The following FHL2 variants were observed in gnomAD, a reference collection of about 807,000 sequenced individuals.
The protein encoded by FHL2 is four and a half LIM domains 2.
In FHL2, 20 loss-of-function variants were observed where a neutral mutation model predicts 32.7. The observed-to-expected ratio is 0.61, with a 90% CI of 0.43 to 0.89. The LOEUF is 0.89. FHL2 is among the 40% of genes least tolerant of loss of function. The pLI, the probability that FHL2 is intolerant of heterozygous loss-of-function variation, is 0.00. For synonymous variants in FHL2, 123 were observed against 128.1 expected (o/e 0.96, Z 0.27); for missense variants, 311 against 358.6 (o/e 0.87, Z 1.07).
At chr2:105,363,996 C>T (rs1369559088) in intron 5 of FHL2, among the ~76,000 whole-genome samples, 2 of 152,190 alleles carry the variant, frequency 1.3e-5, no homozygotes, top group African/African-American at 4.8e-5. Flanking sequence ...GTGGCTCACA[C>T]CTGTAATCTC....
At chr2:105,427,910 A>G (rs1291598830) in intron 1 of FHL2, among the ~76,000 whole-genome samples, 1 of 152,184 alleles carries the variant, frequency 6.6e-6, no homozygotes, top group Non-Finnish European at 1.5e-5. Context: ...CATAAATTCA[A>G]TAGTCACTCT....
chr2:105,436,407 C>A (rs1684613452), intron 1 of FHL2, among the ~76,000 whole-genome samples: 4 of 152,000 alleles, frequency 2.6e-5, no homozygotes, highest in African/African-American at 9.7e-5. Context: ...ATCTATCCAA[C>A]TATTATGAAT....
chr2:105,410,075 A>G lies in FHL2; in HGVS notation c.-24-23535T>C, dbSNP rs144069802. ...CTGAGTCTGCCATCCAGAAGGCTGGACCCAGACAGAGTTCAGGGATCACAC... is the reference window on the plus strand; with the variant it reads ...CTGAGTCTGCCATCCAGAAGGCTGGGCCCAGACAGAGTTCAGGGATCACAC... On this transcript the variant is annotated intron_variant, in intron 1 of 5. Coordinates refer to the FHL2 transcript ENST00000393352. Among the ~76,000 whole-genome samples, 28 of 152,346 alleles carry G rather than the reference A, an allele frequency of 1.8e-4. No individual in the cohort carries two copies. The East Asian group carries it at 4.8e-3, about 26-fold the overall frequency.
chr2:105,370,812 G>A (rs981607419), intron 4 of FHL2, among the ~76,000 whole-genome samples: 37 of 152,120 alleles, frequency 2.4e-4, no homozygotes, highest in African/African-American at 8.9e-4. Context: ...CGTTTCTTCT[G>A]GCAGAGGCAC....
intron 2 of FHL2, among the ~76,000 whole-genome samples, chr2:105,393,403 G>A (rs558227136): frequency 1.3e-5 from 2 of 152,290 alleles, no homozygotes; most frequent in East Asian, 1.9e-4. Flanking sequence ...CCGGGGATCC[G>A]CAAGGGATAT....
intron 3 of FHL2, chr2:105,375,212 C>T (rs1449940306): frequency 2.0e-5 from 3 of 152,124 alleles, no homozygotes; most frequent in African/African-American, 7.2e-5. Context: ...GAACCTGGAA[C>T]CAAACTAGTT....
At chr2:105,432,699 G>C (rs559724484) in intron 1 of FHL2, among the ~76,000 whole-genome samples, 225 of 143,736 alleles carry the variant, frequency 1.6e-3, no homozygotes, top group Non-Finnish European at 2.6e-3. Context: ...TGTGTACACA[G>C]AGACATGTGT....
intron 4 of FHL2, 53 bp downstream of exon 4, chr2:105,373,506 C>T (rs1174379979): frequency 1.2e-6 from 2 of 1,603,640 alleles, no homozygotes; most frequent in Admixed American, 1.7e-5. Context: ...GAGGAACGTG[C>T]ACAAGGCTTG....
At chr2:105,395,352 G>A (rs933555531) in intron 2 of FHL2, among the ~76,000 whole-genome samples, 12 of 152,142 alleles carry the variant, frequency 7.9e-5, no homozygotes, top group Admixed American at 3.3e-4. Flanking sequence ...AGTGAGTTAC[G>A]AACACTTCTA....
chr2:105,395,621 C>T (rs1027971414), intron 2 of FHL2, among the ~76,000 whole-genome samples: 1 of 152,214 alleles, frequency 6.6e-6, no homozygotes, highest in Non-Finnish European at 1.5e-5. Flanking sequence ...GTTCCTTCTG[C>T]TTCCTTCATT....
intron 2 of FHL2, among the ~76,000 whole-genome samples, chr2:105,392,797 C>G (rs1249082419): frequency 6.7e-6 from 1 of 148,650 alleles, no homozygotes; most frequent in Non-Finnish European, 1.5e-5. Flanking sequence ...GGCAAGGACC[C>G]TGCATGCCAG....
At chr2:105,408,156 G>T (rs1200223117) in intron 1 of FHL2, among the ~76,000 whole-genome samples, 2 of 152,192 alleles carry the variant, frequency 1.3e-5, no homozygotes, top group Non-Finnish European at 2.9e-5. Context: ...CCTCACAGTT[G>T]CAGTGTGCTT....
intron 1 of FHL2, among the ~76,000 whole-genome samples, chr2:105,428,628 G>A (rs11694681): frequency 0.15 from 23,530 of 152,196 alleles, 1,962 homozygotes; most frequent in Admixed American, 0.23. Context: ...GCTTCGTGTG[G>A]GTCAGCTTGT....
At position 105,396,682 on chromosome 2, in the gene FHL2, A is replaced by G. The variant is rs760741003; in HGVS notation, c.-60T>C. On this transcript the variant is annotated 5_prime_UTR_variant, in exon 2 of 7. Coordinates refer to ENST00000530340, the MANE Select transcript of FHL2 (RefSeq NM_001318895.3). ...AAATGCCAGCCTAGTCTCCAGGAAG[A>G]CACAGTTCTCAGCCACTAGAGAAAG... 5.0e-6 allele frequency: 8 copies of G among 1,612,756 alleles called. No individual in the cohort carries two copies. Among genetic ancestry groups the G allele is most frequent in the African/African-American group, 1.3e-5 (1 of 74,948 alleles).
Position 105,398,832 on chromosome 2 carries a change from C to T in FHL2, c.-76+10G>A. 2.1e-6 allele frequency: 3 copies of T among 1,430,490 alleles called. No homozygotes were observed. Among genetic ancestry groups the T allele is most frequent in the Middle Eastern group, 1.9e-4 (1 of 5,348 alleles). The allele number at this position is 1,430,490 out of a possible 1,614,324, so 88.6% of individuals were successfully genotyped here. A position where few individuals can be genotyped will look rare whatever the true frequency, so the allele number is the denominator to read the frequency against. The stretch of plus-strand genomic sequence containing the variant: ...GTCTTCCCGGACCCACAGCTCTGCT[C>T]TCCTCTCACCAGTCTCCCCAACTCC... On this transcript the variant is annotated intron_variant, in intron 1 of 6. Coordinates refer to ENST00000530340, the MANE Select transcript of FHL2 (RefSeq NM_001318895.3).
Position 105,399,043 on chromosome 2 carries a change from C to A in FHL2, c.-277G>T, listed in dbSNP as rs1198099772. On this transcript the variant is annotated 5_prime_UTR_variant, in exon 1 of 7. Coordinates refer to ENST00000530340, the MANE Select transcript of FHL2 (RefSeq NM_001318895.3). ...CGGCTGGTGGCTGCGGCTCCGCTGC[C>A]GGCCGAGTGGAGCGCTGCGCAGCTC... The A allele has an allele frequency of 6.7e-7, 1 of 1,495,984 alleles. No individual in the cohort carries two copies. The highest frequency in any genetic ancestry group is 1.3e-5 in the South Asian group (1 of 78,062). 92.7% of individuals were successfully genotyped at this position (1,495,984 alleles called of 1,614,324 possible).
At chr2:105,406,113 T>C (rs1683624046) in intron 1 of FHL2, among the ~76,000 whole-genome samples, 2 of 152,366 alleles carry the variant, frequency 1.3e-5, no homozygotes, top group Middle Eastern at 3.4e-3. Context: ...CTGGGAGTCA[T>C]GACAGAGCTT....
upstream of FHL2, among the ~76,000 whole-genome samples, chr2:105,403,899 T>C (rs1371259668): frequency 6.6e-6 from 1 of 152,136 alleles, no homozygotes; most frequent in Non-Finnish European, 1.5e-5. Flanking sequence ...TTTCAGCCAG[T>C]GGGTCTGAGC....
intron 1 of FHL2, among the ~76,000 whole-genome samples, chr2:105,424,039 A>T (rs1684183843): frequency 6.6e-6 from 1 of 152,238 alleles, no homozygotes; most frequent in Non-Finnish European, 1.5e-5. Context: ...ATCTAATTAA[A>T]CTAAAGAGCT....
Sources: gnomAD v4.1 joint callset for allele counts (sites outside exome capture counted in the v4.1 genomes callset) on GRCh38, gnomAD v4.1.1 for gene constraint, MANE v1.5 for transcripts, NCBI Gene and HGNC (gene_info 2026-07-23, HGNC 2026-07-21) for gene names.